ASAP3: variants seen among roughly 807,000 people sequenced by gnomAD.
ASAP3 encodes the protein arf-GAP with SH3 domain, ANK repeat and PH domain-containing protein 3.
In ASAP3, 85 loss-of-function variants were observed where a neutral mutation model predicts 118.2. That is an observed-to-expected ratio of 0.72 (90% CI 0.60 to 0.86). ASAP3 has a LOEUF of 0.86. Ranked by LOEUF, ASAP3 falls within the 40% of genes least tolerant of loss-of-function variation. The pLI is 0.00. For synonymous variants in ASAP3, 432 were observed against 477.4 expected, an observed-to-expected ratio of 0.90 and a Z score of 1.24; for missense variants, 1,026 against 1,175.0, an observed-to-expected ratio of 0.87 and a Z score of 1.85.
At chr1:23,451,875 G>A (rs899699027) in intron 4 of ASAP3, among the ~76,000 whole-genome samples, 3 of 152,320 alleles carry the variant, frequency 2.0e-5, no homozygotes, top group Middle Eastern at 3.4e-3. Context: ...ATGACCATGA[G>A]GATGGGAGGA....
intron 1 of ASAP3, among the ~76,000 whole-genome samples, chr1:23,468,788 T>C (rs1641863193): frequency 6.7e-6 from 1 of 149,554 alleles, no homozygotes; most frequent in African/African-American, 2.5e-5. Context: ...GGCGAATCAC[T>C]TGAATCCAGG....
chr1:23,448,050 A>G (rs72661471), intron 5 of ASAP3, among the ~76,000 whole-genome samples: 1 of 152,272 alleles, frequency 6.6e-6, no homozygotes, highest in Non-Finnish European at 1.5e-5. Flanking sequence ...CATTTTTAAA[A>G]CATTTCTAAA....
rs760294711 is a variant in ASAP3 at position 23,437,409 on chromosome 1, C to G, written c.1151+15G>C. ...CACCCACAAGGCTGGCCGGGCTGGC[C>G]GAGGGGGCACTCACGCCTCACACTC... On this transcript the variant is annotated intron_variant, in intron 13 of 24. Transcript: ENST00000336689. This position sits in a 1 kb window ranked among gnomAD's most constrained non-coding sequence, Gnocchi z 6.1. The G allele has an allele frequency of 3.7e-6, 6 of 1,613,332 alleles. No homozygotes were observed. Among genetic ancestry groups the G allele is most frequent in the South Asian group, 1.1e-5 (1 of 91,042 alleles).
At chr1:23,481,563 G>A (rs1015754436) in intron 1 of ASAP3, among the ~76,000 whole-genome samples, 3 of 152,274 alleles carry the variant, frequency 2.0e-5, no homozygotes, top group South Asian at 2.1e-4. Context: ...TTTGGGTGCC[G>A]CAAGCCTTTC....
At chr1:23,466,053 C>A (rs1431891812) in intron 1 of ASAP3, among the ~76,000 whole-genome samples, 2 of 152,052 alleles carry the variant, frequency 1.3e-5, no homozygotes, top group African/African-American at 4.8e-5. Flanking sequence ...ATGGTGAGGC[C>A]CCGAATACAA....
chr1:23,452,824 C>G, intron 3 of ASAP3, 53 bp from the exon 4 acceptor site: 2 of 1,560,114 alleles, frequency 1.3e-6, no homozygotes, highest in South Asian at 2.2e-5. Context: ...CATCCAGCCC[C>G]TAGGGATTCG....
At chr1:23,442,685 A>C (rs1270228434) in intron 5 of ASAP3, 73 bp from the exon 6 acceptor site, 1 of 1,555,136 alleles carries the variant, frequency 6.4e-7, no homozygotes, top group Admixed American at 1.9e-5. Flanking sequence ...AGGATGCATG[A>C]GCAAAGGGGC....
rs1640681118 is a variant in ASAP3 at position 23,436,878 on chromosome 1, T to C, written c.1476+33A>G. ...ATGAAACTACACCCCTAACTCCGCT[T>C]CTGGCCCCTTCCAGGCCCCGCCCCG... On this transcript the variant is annotated intron_variant, in intron 15 of 24. Coordinates refer to ENST00000336689, the MANE Select transcript of ASAP3 (RefSeq NM_017707.4). The surrounding 1 kb of genome is among the most constrained non-coding windows in gnomAD (Gnocchi z 4.2). 1 of 1,602,680 alleles carries C rather than the reference T, an allele frequency of 6.2e-7. No homozygotes were observed. Among genetic ancestry groups the C allele is most frequent in the Non-Finnish European group, 8.5e-7 (1 of 1,174,960 alleles).
chr1:23,439,302 AT>A, intron 10 of ASAP3, 72 bp from the exon 11 acceptor site: 1 of 1,437,014 alleles, frequency 7.0e-7, no homozygotes, highest in Non-Finnish European at 9.7e-7. Context: ...GAGAACAGAA[AT>A]TTGCCCCCAC....
In ASAP3 at chr1:23,436,829, A is replaced by G. The variant is rs1258866775; in HGVS notation, c.1476+82T>C. The G allele has an allele frequency of 7.7e-7, 1 of 1,296,728 alleles. No homozygotes were observed. Among genetic ancestry groups the G allele is most frequent in the Non-Finnish European group, 1.0e-6 (1 of 990,230 alleles). The allele number at this position is 1,296,728 out of a possible 1,614,324, so 80.3% of individuals were successfully genotyped here. ...AGCCCACCTCGGCCAGGTCCCACCC[A>G]CAACCTGCAAGCCCCGCCCCCGGAT... On this transcript the variant is annotated intron_variant, in intron 15 of 24. Transcript: ENST00000336689. This position sits in a 1 kb window ranked among gnomAD's most constrained non-coding sequence, Gnocchi z 4.2.
intron 5 of ASAP3, among the ~76,000 whole-genome samples, chr1:23,448,107 C>A (rs940137379): frequency 6.6e-6 from 1 of 152,108 alleles, no homozygotes; most frequent in Admixed American, 6.5e-5. Context: ...AGTGGAATTG[C>A]AATAGAAGGA....
At chr1:23,446,276 A>C (rs1000538570) in intron 5 of ASAP3, among the ~76,000 whole-genome samples, 2 of 152,122 alleles carry the variant, frequency 1.3e-5, no homozygotes, top group African/African-American at 4.8e-5. Context: ...AACCTTTATA[A>C]AACTTTCTGA....
At chr1:23,465,518 G>T (rs568970446) in intron 1 of ASAP3, among the ~76,000 whole-genome samples, 13 of 151,378 alleles carry the variant, frequency 8.6e-5, no homozygotes, top group African/African-American at 1.9e-4. Context: ...TTTTTTTTGG[G>T]GGGGGGATAG....
intron 10 of ASAP3, among the ~76,000 whole-genome samples, chr1:23,440,125 ATT>A (rs539194086): frequency 9.4e-4 from 125 of 133,420 alleles, no homozygotes; most frequent in Middle Eastern, 3.8e-3. Context: ...CCACAGACTG[ATT>A]TTTTTTTTTT....
chr1:23,483,303 C>A (rs1470510198), intron 1 of ASAP3, among the ~76,000 whole-genome samples: 3 of 152,190 alleles, frequency 2.0e-5, no homozygotes, highest in African/African-American at 7.2e-5. Context: ...CTAGAATATT[C>A]TTTGCAGAGG....
At chr1:23,484,370 C>A, upstream of ASAP3, 1 of 333,262 alleles carries the variant, frequency 3.0e-6, no homozygotes, top group Non-Finnish European at 5.0e-6. Flanking sequence ...GGTCCCGGCC[C>A]CGCACCGCGT....
At chr1:23,435,417 T>G (rs958382100) in intron 17 of ASAP3, among the ~76,000 whole-genome samples, 1 of 152,260 alleles carries the variant, frequency 6.6e-6, no homozygotes. Flanking sequence ...CATGCTCATG[T>G]GTTTGTTCTT....
chr1:23,441,732 T>TA lies in ASAP3; in HGVS notation c.672-3dup. On this transcript the variant is annotated splice_region_variant and splice_polypyrimidine_tract_variant and intron_variant, in intron 7 of 24. Transcript: ENST00000336689. ...GCCTTCCAGCCATCTTGGAAAAAGC[T>TA]AAGAGGTGTCAGAGGCCAAACAAGG... 6.2e-7 allele frequency: 1 copy of TA among 1,613,978 alleles called. No homozygotes were observed. The highest frequency in any genetic ancestry group is 8.5e-7 in the Non-Finnish European group (1 of 1,179,984).
At chr1:23,441,855 A>G in intron 7 of ASAP3, 125 bp from the exon 8 acceptor site, 1 of 953,184 alleles carries the variant, frequency 1.0e-6, no homozygotes, top group Non-Finnish European at 1.6e-6. Context: ...TCTGACGGTC[A>G]AGAACAGACA....
Sources: allele counts gnomAD v4.1 joint callset (sites outside exome capture counted in the v4.1 genomes callset), GRCh38; gene constraint gnomAD v4.1.1; non-coding constraint Gnocchi (gnomAD v3.1); transcripts MANE v1.5; gene names NCBI Gene and HGNC (gene_info 2026-07-23, HGNC 2026-07-21).